Variants in ZNF346 observed in about 807,000 individuals in gnomAD.
ZNF346 encodes zinc finger protein 346.
In ZNF346, 23 loss-of-function variants were observed where a neutral mutation model predicts 33.7. The observed-to-expected ratio is 0.68, with a 90% CI of 0.49 to 0.97. ZNF346 has a LOEUF of 0.97. Ranked by LOEUF, ZNF346 falls within the 50% of genes least tolerant of loss-of-function variation. ZNF346 has a pLI of 0.00. For missense variants in ZNF346, 340 were observed against 371.1 expected (o/e 0.92, Z 0.69); for synonymous variants, 134 against 142.4 (o/e 0.94, Z 0.42).
At position 177,066,722 on chromosome 5, in the gene ZNF346, C is replaced by T. The variant is rs538139301; in HGVS notation, c.*2123C>T. On this transcript the variant is annotated 3_prime_UTR_variant, in exon 7 of 7. Coordinates refer to ENST00000358149, the MANE Select transcript of ZNF346 (RefSeq NM_012279.4). ...AATAACCACTGCACTCCAGCCAGGGCAACATAACAAGACTCTATCTAAAAA... is the reference window on the plus strand; with the variant it reads ...AATAACCACTGCACTCCAGCCAGGGTAACATAACAAGACTCTATCTAAAAA... Among the ~76,000 whole-genome samples the T allele has an allele frequency of 6.8e-5, 10 of 147,198 alleles. No homozygotes were observed. Among genetic ancestry groups the T allele is most frequent in the Admixed American group, 1.4e-4 (2 of 14,778 alleles).
rs114574027 is a variant in ZNF346 at position 177,037,954 on chromosome 5, G to A, written c.176-3172G>A. On this transcript the variant is annotated intron_variant, in intron 1 of 6. Coordinates refer to ENST00000358149, the MANE Select transcript of ZNF346 (RefSeq NM_012279.4). ...TCTCATTCACCATATTCCAGGCATAGTGGGCTTCTCTCCATTCTTTGAACA... is the reference window on the plus strand; with the variant it reads ...TCTCATTCACCATATTCCAGGCATAATGGGCTTCTCTCCATTCTTTGAACA... Among the ~76,000 whole-genome samples, 1,384 of 152,174 alleles carry A rather than the reference G, an allele frequency of 9.1e-3. 8 individuals are homozygous for A. The highest frequency in any genetic ancestry group is 0.025 in the South Asian group (120 of 4,818).
In ZNF346 at chr5:177,077,550, A is replaced by G. The variant is rs1048282449; in HGVS notation, c.*3-1832A>G. Among the ~76,000 whole-genome samples, 1 of 152,250 alleles carries G rather than the reference A, an allele frequency of 6.6e-6. No homozygotes were observed. Among genetic ancestry groups the G allele is most frequent in the African/African-American group, 2.4e-5 (1 of 41,548 alleles). Reference sequence around the variant, plus strand: ...ATCCCTATTCACAGCTCAGCTTCTCAGAGAGTTGGTTTCCTATTCATTCCA... The same window carrying G: ...ATCCCTATTCACAGCTCAGCTTCTCGGAGAGTTGGTTTCCTATTCATTCCA... On this transcript the variant is annotated intron_variant, in intron 8 of 8. Transcript: ENST00000503039. The surrounding 1 kb of genome is among the most constrained non-coding windows in gnomAD (Gnocchi z 5.0).
downstream of ZNF346, among the ~76,000 whole-genome samples, chr5:177,071,978 A>G (rs568607305): frequency 1.3e-5 from 2 of 152,280 alleles, no homozygotes; most frequent in Admixed American, 1.3e-4. Context: ...GCAGTTCTGT[A>G]AATGTTCAAC....
At chr5:177,047,343 T>G (rs1452865775) in intron 4 of ZNF346, among the ~76,000 whole-genome samples, 13 of 150,788 alleles carry the variant, frequency 8.6e-5, no homozygotes, top group Admixed American at 2.6e-4. Context: ...GTTTTTTGTT[T>G]TTTTTTTTTT....
chr5:177,054,679 G>A (rs749921466), intron 5 of ZNF346, among the ~76,000 whole-genome samples: 2 of 152,116 alleles, frequency 1.3e-5, no homozygotes, highest in South Asian at 4.1e-4. Flanking sequence ...GATTACAGGC[G>A]TGAGCCCCCG....
intron 6 of ZNF346, among the ~76,000 whole-genome samples, chr5:177,063,269 G>T (rs914881946): frequency 6.6e-6 from 1 of 152,212 alleles, no homozygotes; most frequent in African/African-American, 2.4e-5. Flanking sequence ...TTTCAGGCAG[G>T]CAAGCTGCCG....
intron 5 of ZNF346, among the ~76,000 whole-genome samples, chr5:177,051,506 C>T (rs1372889314): frequency 2.7e-5 from 4 of 149,424 alleles, no homozygotes; most frequent in African/African-American, 7.4e-5. Context: ...CTCTGGAAAG[C>T]CAGATTTATA....
chr5:177,033,030 C>T (rs2149598664), intron 1 of ZNF346, among the ~76,000 whole-genome samples: 1 of 152,346 alleles, frequency 6.6e-6, no homozygotes, highest in South Asian at 2.1e-4. Flanking sequence ...TAACCATTCT[C>T]ATCCATGGGT....
At chr5:177,064,043 A>T (rs1180811749) in intron 6 of ZNF346, among the ~76,000 whole-genome samples, 1 of 152,184 alleles carries the variant, frequency 6.6e-6, no homozygotes, top group Admixed American at 6.5e-5. Context: ...AGAAAGCCTA[A>T]TTATCAGATA....
At chr5:177,035,881 C>T (rs1312015518) in intron 1 of ZNF346, among the ~76,000 whole-genome samples, 2 of 151,896 alleles carry the variant, frequency 1.3e-5, no homozygotes, top group African/African-American at 4.8e-5. Flanking sequence ...CCTCGTGATC[C>T]GCCCGCCTCT....
intron 1 of ZNF346, among the ~76,000 whole-genome samples, chr5:177,038,860 T>C (rs1022613100): frequency 1.4e-5 from 2 of 142,570 alleles, no homozygotes; most frequent in Non-Finnish European, 3.0e-5. Flanking sequence ...TTTTTTCTTC[T>C]TTTTTCTTCT....
chr5:177,076,495 G>A (rs1323004661), intron 8 of ZNF346, among the ~76,000 whole-genome samples: 1 of 152,172 alleles, frequency 6.6e-6, no homozygotes, highest in African/African-American at 2.4e-5. Flanking sequence ...TCCCCCAGGT[G>A]ATGGCTGATG....
At chr5:177,031,959 G>A (rs998968481) in intron 1 of ZNF346, among the ~76,000 whole-genome samples, 1 of 140,024 alleles carries the variant, frequency 7.1e-6, no homozygotes, top group African/African-American at 2.6e-5. Flanking sequence ...CAGATCATCA[G>A]TACCCTTACA....
At chr5:177,030,411 G>A (rs911709392) in intron 1 of ZNF346, among the ~76,000 whole-genome samples, 1 of 151,984 alleles carries the variant, frequency 6.6e-6, no homozygotes, top group African/African-American at 2.4e-5. Context: ...TTGAGGGCAG[G>A]AGTTCAAGAC....
chr5:177,051,170 CTTTTTTTTTT>C (rs906484576), intron 5 of ZNF346, among the ~76,000 whole-genome samples: 2 of 104,846 alleles, frequency 1.9e-5, no homozygotes, highest in Non-Finnish European at 3.8e-5. Context: ...GTTTTCTTTT[CTTTTTTTTTT>C]TTTTTTTTTT....
intron 1 of ZNF346, among the ~76,000 whole-genome samples, chr5:177,032,910 A>G (rs894018578): frequency 6.6e-6 from 1 of 152,238 alleles, no homozygotes; most frequent in African/African-American, 2.4e-5. Flanking sequence ...AATTAAAAAC[A>G]AAAACACAGT....
chr5:177,077,065 CA>C lies in ZNF346; in HGVS notation c.*3-2315del, dbSNP rs1255019944. Among the ~76,000 whole-genome samples, 2 of 152,080 alleles carry C rather than the reference CA, an allele frequency of 1.3e-5. No homozygotes were observed. The highest frequency in any genetic ancestry group is 2.9e-5 in the Non-Finnish European group (2 of 67,996). The stretch of plus-strand genomic sequence containing the variant: ...AAAAATAAATAAATAAACATAAAAA[CA>C]AGTATCTTTGAATAATTTTTTCTTT... On this transcript the variant is annotated intron_variant, in intron 8 of 8. Transcript: ENST00000503039. The surrounding 1 kb of genome is among the most constrained non-coding windows in gnomAD (Gnocchi z 5.0).
chr5:177,023,535 A>G (rs535301466), intron 1 of ZNF346, among the ~76,000 whole-genome samples: 2 of 152,304 alleles, frequency 1.3e-5, no homozygotes, highest in South Asian at 2.1e-4. Context: ...CTTGACCCAA[A>G]GTTGCTGAGA....
At chr5:177,068,908 T>A (rs1783363574), downstream of ZNF346, among the ~76,000 whole-genome samples, 2 of 143,356 alleles carry the variant, frequency 1.4e-5, 1 homozygote, top group African/African-American at 6.0e-5. Context: ...AGACTTCAGT[T>A]TGATGAATCC....
Sources: gnomAD v4.1 joint callset for allele counts (sites outside exome capture counted in the v4.1 genomes callset) on GRCh38, gnomAD v4.1.1 for gene constraint, Gnocchi (gnomAD v3.1) non-coding constraint, MANE v1.5 for transcripts, NCBI Gene and HGNC (gene_info 2026-07-23, HGNC 2026-07-21) for gene names.